The following CNTN5 variants were observed in gnomAD, a reference collection of about 807,000 sequenced individuals.
CNTN5 encodes contactin 5.
CNTN5 carries 77 observed loss-of-function variants against 129.1 expected under a neutral mutation model. The ratio of observed to expected loss-of-function variants is 0.60; its 90% CI spans 0.50 to 0.72. The LOEUF (loss-of-function observed/expected upper bound fraction) is 0.72. CNTN5 is among the 30% of genes least tolerant of loss of function. The pLI is 0.00. For missense variants in CNTN5, 1,478 were observed against 1,328.8 expected (o/e 1.11, Z -1.75); for synonymous variants, 509 against 465.6 (o/e 1.09, Z -1.20).
chr11:99,612,894 G>A (rs766951382), intron 3 of CNTN5, among the ~76,000 whole-genome samples: 6 of 152,152 alleles, frequency 3.9e-5, no homozygotes, highest in Non-Finnish European at 5.9e-5. Flanking sequence ...ACAGATGAGT[G>A]GTATAAAGAG....
At chr11:99,805,933 T>C (rs949366378) in intron 3 of CNTN5, among the ~76,000 whole-genome samples, 43 of 152,202 alleles carry the variant, frequency 2.8e-4, no homozygotes, top group Admixed American at 3.9e-4. Flanking sequence ...AGCTGTTAAA[T>C]GGGCTTAGGG....
At chr11:99,823,588 A>G (rs1946865829) in intron 4 of CNTN5, among the ~76,000 whole-genome samples, 1 of 152,174 alleles carries the variant, frequency 6.6e-6, no homozygotes. Context: ...CTCATAGTTT[A>G]TATTAAATGT....
chr11:100,146,687 A>ATAGT (rs1382476290), intron 13 of CNTN5, among the ~76,000 whole-genome samples: 1 of 152,158 alleles, frequency 6.6e-6, no homozygotes, highest in Non-Finnish European at 1.5e-5. Context: ...AAAATATAAT[A>ATAGT]TAGTTAGAAT....
intron 1 of CNTN5, among the ~76,000 whole-genome samples, chr11:99,078,676 A>G (rs1206663587): frequency 1.3e-5 from 2 of 152,220 alleles, no homozygotes; most frequent in Non-Finnish European, 2.9e-5. Context: ...CGTTAAGTGA[A>G]ATAATCCAGG....
At chr11:100,216,584 G>A (rs1949143305) in intron 15 of CNTN5, among the ~76,000 whole-genome samples, 1 of 151,766 alleles carries the variant, frequency 6.6e-6, no homozygotes, top group South Asian at 2.1e-4. Context: ...TACTAGATAA[G>A]TGTCACAATA....
chr11:100,169,351 A>C (rs955650856), intron 13 of CNTN5, among the ~76,000 whole-genome samples: 1 of 152,048 alleles, frequency 6.6e-6, no homozygotes, highest in East Asian at 2.0e-4. Flanking sequence ...GTCTTATTTT[A>C]AGTAATTGCC....
intron 1 of CNTN5, among the ~76,000 whole-genome samples, chr11:99,134,761 T>G (rs551729320): frequency 1.3e-5 from 2 of 152,280 alleles, no homozygotes; most frequent in African/African-American, 4.8e-5. Flanking sequence ...AAATAAATTA[T>G]GTATGAAAAC....
At chr11:99,296,241 G>A (rs1170931478) in intron 1 of CNTN5, among the ~76,000 whole-genome samples, 4 of 152,120 alleles carry the variant, frequency 2.6e-5, no homozygotes, top group African/African-American at 7.2e-5. Flanking sequence ...TAAGGGTTCC[G>A]ATGGGTGTAC....
chr11:100,225,901 CTA>C (rs532932726), intron 16 of CNTN5, among the ~76,000 whole-genome samples: 1 of 152,054 alleles, frequency 6.6e-6, no homozygotes, highest in Non-Finnish European at 1.5e-5. Flanking sequence ...CTCATCATCT[CTA>C]TGTTTTAGTT....
At chr11:99,871,597 C>T (rs1948504412) in intron 6 of CNTN5, among the ~76,000 whole-genome samples, 1 of 151,944 alleles carries the variant, frequency 6.6e-6, no homozygotes, top group Non-Finnish European at 1.5e-5. Flanking sequence ...GATTTATATA[C>T]ATTTATGGCT....
At chr11:99,566,102 C>T (rs1317739440) in intron 3 of CNTN5, among the ~76,000 whole-genome samples, 2 of 152,102 alleles carry the variant, frequency 1.3e-5, no homozygotes, top group Non-Finnish European at 1.5e-5. Context: ...GAGGTGAGGT[C>T]TAGTGGGAGG....
intron 2 of CNTN5, among the ~76,000 whole-genome samples, chr11:99,445,220 A>G (rs1944014257): frequency 6.6e-6 from 1 of 151,132 alleles, no homozygotes; most frequent in Admixed American, 6.6e-5. Context: ...GTTTGCATAC[A>G]TATATGTATG....
intron 3 of CNTN5, among the ~76,000 whole-genome samples, chr11:99,557,251 C>T (rs1948703333): frequency 6.6e-6 from 1 of 151,092 alleles, no homozygotes; most frequent in Middle Eastern, 4.7e-3. Flanking sequence ...TAAATACATA[C>T]ATGTTCCATT....
intron 3 of CNTN5, among the ~76,000 whole-genome samples, chr11:99,794,107 A>G (rs1405526770): frequency 1.3e-5 from 2 of 151,472 alleles, no homozygotes; most frequent in Non-Finnish European, 2.9e-5. Flanking sequence ...TGTGCTGGGT[A>G]CATAGATATT....
At chr11:99,774,578 T>C (rs1043573012) in intron 3 of CNTN5, among the ~76,000 whole-genome samples, 1 of 151,954 alleles carries the variant, frequency 6.6e-6, no homozygotes, top group African/African-American at 2.4e-5. Flanking sequence ...AGGCCTACAT[T>C]GTCTCTCCAA....
intron 2 of CNTN5, among the ~76,000 whole-genome samples, chr11:99,502,506 A>C (rs1433493999): frequency 6.6e-6 from 1 of 152,100 alleles, no homozygotes; most frequent in African/African-American, 2.4e-5. Context: ...CTTCCCCACA[A>C]CTTTGCTTGG....
intron 2 of CNTN5, among the ~76,000 whole-genome samples, chr11:99,354,337 G>A (rs796627850): frequency 2.0e-5 from 3 of 152,238 alleles, no homozygotes; most frequent in African/African-American, 7.2e-5. Context: ...TAGGGGTTGG[G>A]CATGTTTTCA....
chr11:99,861,501 T>A (rs1019127473), intron 6 of CNTN5, among the ~76,000 whole-genome samples: 1 of 152,014 alleles, frequency 6.6e-6, no homozygotes, highest in Non-Finnish European at 1.5e-5. Flanking sequence ...TCATTTGAAT[T>A]TTTTTTTCCA....
intron 1 of CNTN5, among the ~76,000 whole-genome samples, chr11:99,071,410 A>T (rs1865336365): frequency 6.6e-6 from 1 of 152,160 alleles, no homozygotes; most frequent in African/African-American, 2.4e-5. Context: ...AGAGTCCACA[A>T]AACCAGGACA....
Sources: allele counts gnomAD v4.1 joint callset (sites outside exome capture counted in the v4.1 genomes callset), GRCh38; gene constraint gnomAD v4.1.1; transcripts MANE v1.5; gene names NCBI Gene and HGNC (gene_info 2026-07-23, HGNC 2026-07-21).